ADAMTS6: variants seen among roughly 807,000 people sequenced by gnomAD.
ADAMTS6 encodes A disintegrin and metalloproteinase with thrombospondin motifs 6.
In ADAMTS6, 23 loss-of-function variants were observed where a neutral mutation model predicts 144.3. That is an observed-to-expected ratio of 0.16 (90% CI 0.11 to 0.23). The LOEUF is 0.23. ADAMTS6 is among the 10% of genes least tolerant of loss of function. The probability of loss-of-function intolerance (pLI) is 1.00; values close to 1 mark genes in which losing one functional copy is unlikely to be tolerated. For synonymous variants in ADAMTS6, 444 were observed against 457.5 expected, an observed-to-expected ratio of 0.97 and a Z score of 0.38; for missense variants, 999 against 1,379.6, an observed-to-expected ratio of 0.72 and a Z score of 4.37.
Position 65,473,930 on chromosome 5 carries a change from C to T in ADAMTS6, c.-257G>A. 1 of 437,512 alleles carries T rather than the reference C, an allele frequency of 2.3e-6. No homozygotes were observed. Among genetic ancestry groups the T allele is most frequent in the South Asian group, 7.3e-5 (1 of 13,662 alleles). The allele number at this position is 437,512 out of a possible 1,614,324, so 27.1% of individuals were successfully genotyped here. ...AGCAAAGCATTAGGCTGATTAGTTA[C>T]TAAAGTATGGCCATTTTTTAACCTA... On this transcript the variant is annotated 5_prime_UTR_variant, in exon 2 of 25. An upstream open reading frame in the 5' UTR loses its in-frame stop. Coordinates refer to ENST00000381055, the MANE Select transcript of ADAMTS6 (RefSeq NM_197941.4).
chr5:65,291,394 C>A lies in ADAMTS6; in HGVS notation c.1447G>T (p.Val483Leu). ...CGACATTGCTCATCAGCATCATACA[C>A]CTGACCTGGGGCCACAGCTGGATAA... ...FLYPAVAPGQ[V>L]YDADEQCRFQ... is the part of the protein sequence containing the mutation. The change falls in exon 11 of 25, where the codon GTG (valine) becomes TTG (leucine). Residue 483 changes from valine (V) to leucine (L), a missense_variant. Physicochemically the swap from Val to Leu is conservative, Grantham distance 32. This residue lies in a region of ADAMTS6 where 619 missense variants were observed against 837.0 expected (regional missense o/e 0.74). Coordinates refer to ENST00000381055, the MANE Select transcript of ADAMTS6 (RefSeq NM_197941.4). 1 of 1,614,020 alleles carries A rather than the reference C, an allele frequency of 6.2e-7. No homozygotes were observed. The highest frequency in any genetic ancestry group is 1.7e-5 in the Admixed American group (1 of 60,008).
At chr5:65,335,450 G>T (rs924627286) in intron 7 of ADAMTS6, among the ~76,000 whole-genome samples, 1 of 152,108 alleles carries the variant, frequency 6.6e-6, no homozygotes, top group African/African-American at 2.4e-5. Flanking sequence ...TTGCAACATA[G>T]TGTGTTATGC....
intron 7 of ADAMTS6, among the ~76,000 whole-genome samples, chr5:65,341,197 C>A (rs962159982): frequency 6.6e-6 from 1 of 151,758 alleles, no homozygotes; most frequent in Admixed American, 6.6e-5. Context: ...ACCTATAGGA[C>A]ATAGCAAAAG....
chr5:65,159,583 G>T (rs1390776177), intron 24 of ADAMTS6, among the ~76,000 whole-genome samples: 1 of 152,164 alleles, frequency 6.6e-6, no homozygotes, highest in Non-Finnish European at 1.5e-5. Flanking sequence ...AGCTCAGCTT[G>T]CCTTCTCTGT....
intron 4 of ADAMTS6, among the ~76,000 whole-genome samples, chr5:65,457,366 T>C (rs934082387): frequency 6.6e-6 from 1 of 152,132 alleles, no homozygotes; most frequent in Non-Finnish European, 1.5e-5. Flanking sequence ...ATTAAAAACA[T>C]TGAAATGGAA....
At chr5:65,406,608 C>T (rs528859253) in intron 7 of ADAMTS6, among the ~76,000 whole-genome samples, 6 of 152,110 alleles carry the variant, frequency 3.9e-5, no homozygotes, top group African/African-American at 9.6e-5. Flanking sequence ...CTAAAATTCT[C>T]TTTTTTTGTT....
chr5:65,186,387 G>T (rs1754675794), intron 22 of ADAMTS6, among the ~76,000 whole-genome samples: 1 of 152,028 alleles, frequency 6.6e-6, no homozygotes, highest in South Asian at 2.1e-4. Flanking sequence ...TTTTTCATTT[G>T]CCCAAGCTTA....
At chr5:65,349,609 C>A (rs907208341) in intron 7 of ADAMTS6, among the ~76,000 whole-genome samples, 1 of 152,040 alleles carries the variant, frequency 6.6e-6, no homozygotes, top group South Asian at 2.1e-4. Context: ...AATCCCAGCA[C>A]TTTGGGAGGC....
At chr5:65,372,633 C>T (rs1221182507) in intron 7 of ADAMTS6, among the ~76,000 whole-genome samples, 1 of 151,800 alleles carries the variant, frequency 6.6e-6, no homozygotes. Flanking sequence ...TACAAAGAGA[C>T]TTAGACTCCC....
intron 11 of ADAMTS6, among the ~76,000 whole-genome samples, chr5:65,276,656 A>G (rs1762570870): frequency 6.6e-6 from 1 of 152,220 alleles, no homozygotes; most frequent in Admixed American, 6.5e-5. Flanking sequence ...ATATTTGCAT[A>G]GGTATGTCAG....
At chr5:65,364,999 C>T (rs563709125) in intron 7 of ADAMTS6, among the ~76,000 whole-genome samples, 25 of 152,192 alleles carry the variant, frequency 1.6e-4, no homozygotes, top group African/African-American at 5.8e-4. Flanking sequence ...TATTTCTTTC[C>T]TTTTAAAAGA....
intron 14 of ADAMTS6, among the ~76,000 whole-genome samples, chr5:65,247,564 C>T (rs1759740394): frequency 6.6e-6 from 1 of 152,186 alleles, no homozygotes; most frequent in South Asian, 2.1e-4. Flanking sequence ...GAGAAATACA[C>T]ATCAAAATGT....
chr5:65,178,934 T>G (rs1002327876), intron 22 of ADAMTS6, among the ~76,000 whole-genome samples: 4 of 152,066 alleles, frequency 2.6e-5, no homozygotes, highest in Admixed American at 2.6e-4. Context: ...TGGACTCAGT[T>G]TATTCTAGCA....
intron 7 of ADAMTS6, among the ~76,000 whole-genome samples, chr5:65,438,061 T>G (rs1266406266): frequency 6.6e-6 from 1 of 152,226 alleles, no homozygotes; most frequent in East Asian, 1.9e-4. Flanking sequence ...ATTTGAAGAC[T>G]ATTCAGAACT....
At chr5:65,219,347 GAC>G (rs1483327485) in intron 18 of ADAMTS6, among the ~76,000 whole-genome samples, 1 of 151,966 alleles carries the variant, frequency 6.6e-6, no homozygotes, top group Admixed American at 6.6e-5. Context: ...GATAGTTGCC[GAC>G]CCCCAACCCC....
At chr5:65,414,361 A>G (rs977834559) in intron 7 of ADAMTS6, among the ~76,000 whole-genome samples, 1 of 152,060 alleles carries the variant, frequency 6.6e-6, no homozygotes, top group African/African-American at 2.4e-5. Flanking sequence ...ACTTAAATAA[A>G]TTTGTGTGCT....
intron 15 of ADAMTS6, among the ~76,000 whole-genome samples, chr5:65,228,337 T>C (rs1376332249): frequency 1.3e-5 from 2 of 152,310 alleles, no homozygotes; most frequent in Middle Eastern, 3.4e-3. Flanking sequence ...AATACTATGG[T>C]TATATTCCTT....
intron 14 of ADAMTS6, among the ~76,000 whole-genome samples, chr5:65,252,414 T>C (rs113430847): frequency 0.067 from 10,127 of 151,840 alleles, 1,136 homozygotes; most frequent in African/African-American, 0.23. Flanking sequence ...GCTAATTTTT[T>C]GTATTTTTAG....
intron 15 of ADAMTS6, among the ~76,000 whole-genome samples, chr5:65,228,871 C>A (rs1757922984): frequency 6.6e-6 from 1 of 152,172 alleles, no homozygotes; most frequent in Non-Finnish European, 1.5e-5. Context: ...AGGCTGGGAG[C>A]AGAGAAGAGA....
Sources: allele counts gnomAD v4.1 joint callset (sites outside exome capture counted in the v4.1 genomes callset), GRCh38; gene constraint gnomAD v4.1.1; regional missense constraint gnomAD v4.1.1; transcripts MANE v1.5; gene names NCBI Gene and HGNC (gene_info 2026-07-23, HGNC 2026-07-21).